Variants in GAS2 observed in about 807,000 individuals in gnomAD.
GAS2 encodes growth arrest specific 2, also known as growth arrest-specific protein 2.
A neutral mutation model predicts 37.5 loss-of-function variants in GAS2; 20 were observed. The ratio of observed to expected loss-of-function variants is 0.53; its 90% CI spans 0.37 to 0.77. The LOEUF is 0.77. GAS2 is among the 30% of genes least tolerant of loss of function. The probability of loss-of-function intolerance (pLI) is 0.00; values close to 1 mark genes in which losing one functional copy is unlikely to be tolerated. For synonymous variants in GAS2, 144 were observed against 132.2 expected (o/e 1.09, Z -0.61); for missense variants, 336 against 373.4 (o/e 0.90, Z 0.82).
chr11:22,709,541 T>C (rs1183796114), intron 3 of GAS2, among the ~76,000 whole-genome samples: 1 of 152,180 alleles, frequency 6.6e-6, no homozygotes, highest in Non-Finnish European at 1.5e-5. Flanking sequence ...ATTACTGTTC[T>C]TGGTCATTAT....
chr11:22,671,711 C>G (rs927888982), intron 1 of GAS2, among the ~76,000 whole-genome samples: 1 of 152,078 alleles, frequency 6.6e-6, no homozygotes, highest in Admixed American at 6.5e-5. Flanking sequence ...CTAAACACTT[C>G]TTTAAAAAGT....
At chr11:22,641,200 T>A (rs967682128) in intron 1 of GAS2, among the ~76,000 whole-genome samples, 1 of 135,342 alleles carries the variant, frequency 7.4e-6, no homozygotes, top group African/African-American at 2.7e-5. Flanking sequence ...GGTTCTTTCT[T>A]TATATATATA....
At chr11:22,663,526 C>T (rs337496), upstream of GAS2, among the ~76,000 whole-genome samples, 2 of 152,146 alleles carry the variant, frequency 1.3e-5, no homozygotes, top group African/African-American at 2.4e-5. Flanking sequence ...ATGCTTATAC[C>T]TAACACAATT....
chr11:22,704,846 A>G (rs1851031205), intron 3 of GAS2, among the ~76,000 whole-genome samples: 1 of 151,624 alleles, frequency 6.6e-6, no homozygotes, highest in Non-Finnish European at 1.5e-5. Flanking sequence ...GAACTAAACC[A>G]TATGTTGTTC....
intron 7 of GAS2, among the ~76,000 whole-genome samples, chr11:22,779,247 T>G (rs1362526125): frequency 6.6e-6 from 1 of 152,092 alleles, no homozygotes. Flanking sequence ...ATCTCCCTAG[T>G]TTTGGAGATG....
At chr11:22,713,531 A>G (rs1851515017) in intron 3 of GAS2, among the ~76,000 whole-genome samples, 1 of 152,134 alleles carries the variant, frequency 6.6e-6, no homozygotes, top group Non-Finnish European at 1.5e-5. Flanking sequence ...TCACGAACAC[A>G]TCATCACCTA....
intron 1 of GAS2, among the ~76,000 whole-genome samples, chr11:22,669,008 T>A (rs1363391020): frequency 3.3e-5 from 5 of 152,234 alleles, no homozygotes; most frequent in Non-Finnish European, 5.9e-5. Flanking sequence ...AGTAAGAGGC[T>A]TATGTAAGTT....
chr11:22,653,257 G>GA (rs1389044797), intron 1 of GAS2, among the ~76,000 whole-genome samples: 1 of 151,714 alleles, frequency 6.6e-6, no homozygotes, highest in Non-Finnish European at 1.5e-5. Context: ...TAAGTACTCA[G>GA]AAAAAAAGAG....
chr11:22,793,956 C>G (rs1167864883), intron 7 of GAS2, among the ~76,000 whole-genome samples: 1 of 152,062 alleles, frequency 6.6e-6, no homozygotes, highest in Non-Finnish European at 1.5e-5. Flanking sequence ...TTATCTGCTA[C>G]TCCTGAAGTA....
intron 3 of GAS2, among the ~76,000 whole-genome samples, chr11:22,696,884 T>G (rs1173636072): frequency 2.0e-5 from 3 of 149,866 alleles, no homozygotes; most frequent in African/African-American, 4.9e-5. Context: ...TTTCTCCCAT[T>G]TTGTAGGTTG....
intron 6 of GAS2, 182 bp from the exon 7 acceptor site, chr11:22,755,664 C>G (rs1165737483): frequency 8.0e-6 from 4 of 502,530 alleles, no homozygotes; most frequent in African/African-American, 3.9e-5. Context: ...CTTCAGATGT[C>G]TTTGGGGCCT....
At chr11:22,811,651 A>C in intron 7 of GAS2, 147 bp from the exon 8 acceptor site, 1 of 720,888 alleles carries the variant, frequency 1.4e-6, no homozygotes, top group Non-Finnish European at 2.3e-6. Context: ...CATAGACTAT[A>C]TGCTAACTCA....
At chr11:22,748,780 G>C (rs1016290454) in intron 5 of GAS2, among the ~76,000 whole-genome samples, 1 of 152,050 alleles carries the variant, frequency 6.6e-6, no homozygotes, top group African/African-American at 2.4e-5. Context: ...TACAGCACTA[G>C]TATCAGTAAA....
intron 5 of GAS2, among the ~76,000 whole-genome samples, chr11:22,743,114 G>C (rs1442009754): frequency 6.6e-6 from 1 of 152,030 alleles, no homozygotes; most frequent in Non-Finnish European, 1.5e-5. Flanking sequence ...CAGTGAGTTA[G>C]TAGCAAAGCT....
intron 7 of GAS2, among the ~76,000 whole-genome samples, chr11:22,758,985 T>C (rs1854217321): frequency 6.6e-6 from 1 of 151,530 alleles, no homozygotes; most frequent in Non-Finnish European, 1.5e-5. Context: ...CTGTTAACTC[T>C]TGACTGATGC....
intron 3 of GAS2, among the ~76,000 whole-genome samples, chr11:22,698,109 G>T (rs1188193626): frequency 6.6e-6 from 1 of 151,980 alleles, no homozygotes; most frequent in Admixed American, 6.6e-5. Flanking sequence ...CAGCAAAATT[G>T]ATAGACCGCT....
At chr11:22,761,291 A>G (rs1312621251) in intron 7 of GAS2, among the ~76,000 whole-genome samples, 2 of 152,182 alleles carry the variant, frequency 1.3e-5, no homozygotes, top group African/African-American at 4.8e-5. Flanking sequence ...ATAACCTAAT[A>G]TGATAAACTT....
At chr11:22,738,658 T>G (rs755635776) in intron 5 of GAS2, among the ~76,000 whole-genome samples, 2 of 152,126 alleles carry the variant, frequency 1.3e-5, no homozygotes, top group African/African-American at 2.4e-5. Context: ...AAGAATTTAT[T>G]AATAAAATCA....
At chr11:22,763,752 T>G (rs1590104336) in intron 7 of GAS2, among the ~76,000 whole-genome samples, 1 of 152,156 alleles carries the variant, frequency 6.6e-6, no homozygotes. Context: ...AATATGGCCG[T>G]GTTTGCTTCT....
Sources: allele counts gnomAD v4.1 joint callset (sites outside exome capture counted in the v4.1 genomes callset), GRCh38; gene constraint gnomAD v4.1.1; transcripts MANE v1.5; gene names NCBI Gene and HGNC (gene_info 2026-07-23, HGNC 2026-07-21).